KAT2B: variants seen among roughly 807,000 people sequenced by gnomAD.
The protein encoded by KAT2B is lysine acetyltransferase 2B, also known as histone acetyltransferase KAT2B.
A neutral mutation model predicts 105.9 loss-of-function variants in KAT2B; 36 were observed. The ratio of observed to expected loss-of-function variants is 0.34; its 90% CI spans 0.26 to 0.45. The LOEUF (loss-of-function observed/expected upper bound fraction) is 0.45. Among genes scored for constraint, KAT2B ranks in the 20% least tolerant of loss-of-function variants. KAT2B has a pLI of 1.00. For synonymous variants in KAT2B, 397 were observed against 377.9 expected (o/e 1.05, Z -0.59); for missense variants, 820 against 1,021.6 (o/e 0.80, Z 2.69).
intron 5 of KAT2B, among the ~76,000 whole-genome samples, chr3:20,104,249 C>G (rs1698960059): frequency 6.6e-6 from 1 of 152,090 alleles, no homozygotes; most frequent in African/African-American, 2.4e-5. Flanking sequence ...CTGAGAGAAA[C>G]AGAAATGAAT....
Position 20,095,251 on chromosome 3 carries a change from T to A in KAT2B, c.431-12T>A. 1 of 1,605,172 alleles carries A rather than the reference T, an allele frequency of 6.2e-7. No homozygotes were observed. Among genetic ancestry groups the A allele is most frequent in the South Asian group, 1.1e-5 (1 of 89,128 alleles). ...TGAGGTCTTACATATGTTTCTTTGA[T>A]CTTATCATAAGCTGCTCATGTTTCC... On this transcript the variant is annotated splice_polypyrimidine_tract_variant and intron_variant, in intron 2 of 17. Coordinates refer to ENST00000263754, the MANE Select transcript of KAT2B (RefSeq NM_003884.5).
chr3:20,148,537 G>A (rs368471482), intron 17 of KAT2B, 50 bp downstream of exon 17: 2 of 1,306,228 alleles, frequency 1.5e-6, no homozygotes, highest in Non-Finnish European at 1.1e-6. Context: ...CTGGATGGCG[G>A]TGTGGGGGAC....
intron 6 of KAT2B, 123 bp from the exon 7 acceptor site, chr3:20,114,759 C>A: frequency 1.7e-6 from 1 of 597,478 alleles, no homozygotes. Flanking sequence ...AGTTGTAATT[C>A]TCCATTATAT....
At position 20,119,705 on chromosome 3, in the gene KAT2B, G is replaced by A. The variant is rs753971896; in HGVS notation, c.1258G>A (p.Gly420Arg). ...SSSPACKASS[G>R]LEANPGEKRK... ...CAGTCCTGCCTGCAAAGCCTCTTCT[G>A]GACTTGAGGCAAACCCAGGTAAGCT... The change falls in exon 8 of 18, where the codon GGA (glycine) becomes AGA (arginine). Residue 420 changes from glycine (G) to arginine (R), a missense_variant. Transcript: ENST00000263754. 2.5e-6 allele frequency: 4 copies of A among 1,614,040 alleles called. No homozygotes were observed. Among genetic ancestry groups the A allele is most frequent in the Non-Finnish European group, 3.4e-6 (4 of 1,179,972 alleles).
chr3:20,060,026 G>T (rs143664817), intron 1 of KAT2B, among the ~76,000 whole-genome samples: 2 of 152,172 alleles, frequency 1.3e-5, no homozygotes, highest in Non-Finnish European at 2.9e-5. Context: ...AGTGTAATGT[G>T]TTTGAGATAC....
intron 1 of KAT2B, among the ~76,000 whole-genome samples, chr3:20,063,993 G>A (rs1398380220): frequency 6.6e-6 from 1 of 152,224 alleles, no homozygotes; most frequent in Non-Finnish European, 1.5e-5. Context: ...TCTATTGAAT[G>A]GTCTTGGCAC....
chr3:20,102,969 G>C (rs935478685), intron 5 of KAT2B, among the ~76,000 whole-genome samples: 1 of 152,096 alleles, frequency 6.6e-6, no homozygotes, highest in East Asian at 1.9e-4. Flanking sequence ...CTCTGACATT[G>C]ACCTAGTTTC....
chr3:20,130,293 C>T (rs896509228), intron 11 of KAT2B, among the ~76,000 whole-genome samples: 13 of 152,210 alleles, frequency 8.5e-5, no homozygotes, highest in Non-Finnish European at 1.3e-4. Flanking sequence ...TGAAGACCCA[C>T]ATTTGCTTGA....
chr3:20,075,907 CAA>C (rs34270654), intron 2 of KAT2B, among the ~76,000 whole-genome samples: 4 of 133,238 alleles, frequency 3.0e-5, no homozygotes, highest in Admixed American at 7.6e-5. Flanking sequence ...ACTCCCATCT[CAA>C]AAAAAAAAAA....
intron 2 of KAT2B, among the ~76,000 whole-genome samples, chr3:20,079,744 C>G (rs2125186388): frequency 6.6e-6 from 1 of 152,186 alleles, no homozygotes; most frequent in Admixed American, 6.5e-5. Flanking sequence ...GTGCAGATGC[C>G]AAAGGACGTA....
In KAT2B at chr3:20,148,722, C is replaced by T. The variant is rs528891564; in HGVS notation, c.2305+235C>T. ...CCCACATGAGCTTAACGACACTAGA[C>T]GCAGAAAATCCACGGTAACTGCAGA... On this transcript the variant is annotated intron_variant, in intron 17 of 17. Coordinates refer to ENST00000263754, the MANE Select transcript of KAT2B (RefSeq NM_003884.5). The T allele has an allele frequency of 8.1e-4, 329 of 408,444 alleles. 1 individual carries two copies. In the East Asian group the frequency reaches 0.012, roughly 15 times the overall value. The allele number at this position is 408,444 out of a possible 1,614,324, so 25.3% of individuals were successfully genotyped here. A position where few individuals can be genotyped will look rare whatever the true frequency, so the allele number is the denominator to read the frequency against.
intron 5 of KAT2B, among the ~76,000 whole-genome samples, chr3:20,110,076 C>T (rs1361458175): frequency 6.6e-6 from 1 of 151,968 alleles, no homozygotes; most frequent in Non-Finnish European, 1.5e-5. Flanking sequence ...AATATTATTC[C>T]TCTCTTCATT....
chr3:20,096,260 C>T (rs1410506244), intron 3 of KAT2B, among the ~76,000 whole-genome samples: 1 of 152,158 alleles, frequency 6.6e-6, no homozygotes, highest in African/African-American at 2.4e-5. Context: ...TTACTGCTGC[C>T]ATTCCCCGTA....
intron 2 of KAT2B, among the ~76,000 whole-genome samples, chr3:20,077,086 A>C (rs1575119519): frequency 6.6e-6 from 1 of 152,202 alleles, no homozygotes; most frequent in South Asian, 2.1e-4. Context: ...TTGGTCTACC[A>C]TAATTTAATA....
chr3:20,099,561 G>T, intron 3 of KAT2B, among the ~76,000 whole-genome samples: 1 of 152,180 alleles, frequency 6.6e-6, no homozygotes, highest in Non-Finnish European at 1.5e-5. Flanking sequence ...GGACGGTGGT[G>T]TCTGTTGGAC....
chr3:20,093,967 A>G (rs552293823), intron 2 of KAT2B, among the ~76,000 whole-genome samples: 2 of 152,340 alleles, frequency 1.3e-5, no homozygotes, highest in South Asian at 4.1e-4. Flanking sequence ...CATTTAGTCA[A>G]CAAAAATATG....
At chr3:20,111,548 C>T (rs772313252) in intron 5 of KAT2B, 48 bp from the exon 6 acceptor site, 2 of 1,434,246 alleles carry the variant, frequency 1.4e-6, no homozygotes, top group Non-Finnish European at 1.9e-6. Flanking sequence ...TTTCTGATGA[C>T]CTGGGGGTTT....
At chr3:20,055,194 A>G (rs1472106045) in intron 1 of KAT2B, among the ~76,000 whole-genome samples, 1 of 152,092 alleles carries the variant, frequency 6.6e-6, no homozygotes, top group Non-Finnish European at 1.5e-5. Flanking sequence ...ATGTGTGACT[A>G]TGGGGAGGTT....
At chr3:20,108,056 T>A (rs1699054945) in intron 5 of KAT2B, among the ~76,000 whole-genome samples, 2 of 152,072 alleles carry the variant, frequency 1.3e-5, no homozygotes, top group South Asian at 4.2e-4. Context: ...GTAATCCACC[T>A]GCCTCAACTT....
Sources: gnomAD v4.1 joint callset for allele counts (sites outside exome capture counted in the v4.1 genomes callset) on GRCh38, gnomAD v4.1.1 for gene constraint, MANE v1.5 for transcripts, NCBI Gene and HGNC (gene_info 2026-07-23, HGNC 2026-07-21) for gene names.